Variants in SHQ1 observed in about 807,000 individuals in gnomAD.
The protein encoded by SHQ1 is protein SHQ1 homolog.
SHQ1 carries 49 observed loss-of-function variants against 53.8 expected under a neutral mutation model. That is an observed-to-expected ratio of 0.91 (90% CI 0.72 to 1.16). SHQ1 has a LOEUF of 1.16. Among genes scored for constraint, SHQ1 ranks in the 50% most tolerant of loss-of-function variants. The probability of loss-of-function intolerance (pLI) is 0.00; values close to 1 mark genes in which losing one functional copy is unlikely to be tolerated. For missense variants in SHQ1, 738 were observed against 683.1 expected (o/e 1.08, Z -0.90); for synonymous variants, 243 against 251.0 (o/e 0.97, Z 0.30).
chr3:72,763,981 T>C (rs1212345436), intron 10 of SHQ1, among the ~76,000 whole-genome samples: 3 of 151,620 alleles, frequency 2.0e-5, no homozygotes, highest in African/African-American at 7.3e-5. Flanking sequence ...TAGAAAGCAT[T>C]GCATAGTATG....
In SHQ1 at chr3:72,817,361, ACTTCT is replaced by A. The variant is rs1487706464; in HGVS notation, c.746_750del (p.Glu249ValfsTer9). On this transcript the variant is annotated frameshift_variant, in exon 7 of 11. Transcript: ENST00000325599. LOFTEE classifies it high-confidence loss of function. ...TTATTGACAAATTTTCGTAGCTGAT[ACTTCT>A]CTTCTTCAGAAAAAGACACTAGAAG... The A allele has an allele frequency of 2.5e-6, 4 of 1,611,238 alleles. No homozygotes were observed. The highest frequency in any genetic ancestry group is 1.1e-5 in the South Asian group (1 of 90,684).
At chr3:72,766,181 C>T (rs1347471980) in intron 10 of SHQ1, among the ~76,000 whole-genome samples, 1 of 152,138 alleles carries the variant, frequency 6.6e-6, no homozygotes, top group African/African-American at 2.4e-5. Flanking sequence ...TTCCTGTTTT[C>T]AGCTATTCCA....
chr3:72,796,119 A>G lies in SHQ1; in HGVS notation c.1061-3083T>C, dbSNP rs947532153. Among the ~76,000 whole-genome samples, 6 of 150,444 alleles carry G rather than the reference A, an allele frequency of 4.0e-5. No homozygotes were observed. The East Asian group carries it at 5.8e-4, about 15-fold the overall frequency. On this transcript the variant is annotated intron_variant, in intron 9 of 10. Transcript: ENST00000325599. ...TCCATCTCAAAAAAAAAAAAAAAAA[A>G]AAAAAGAAAGAGAAAAAGAAAATGC... is the stretch of plus-strand genomic sequence containing the variant.
At chr3:72,837,069 C>T (rs766223654) in intron 4 of SHQ1, among the ~76,000 whole-genome samples, 1 of 152,158 alleles carries the variant, frequency 6.6e-6, no homozygotes, top group South Asian at 2.1e-4. Flanking sequence ...CAGGAGCTTG[C>T]TGGGTTGGCG....
chr3:72,753,706 T>C, intron 10 of SHQ1: 3 of 870,618 alleles, frequency 3.4e-6, no homozygotes, highest in Non-Finnish European at 4.1e-6. Flanking sequence ...TCCACTAGAG[T>C]CAGTTAATGA....
At chr3:72,836,345 CG>C (rs1171704716) in intron 4 of SHQ1, among the ~76,000 whole-genome samples, 1 of 152,108 alleles carries the variant, frequency 6.6e-6, no homozygotes, top group Non-Finnish European at 1.5e-5. Context: ...AAAAATTAGC[CG>C]GGTGTGGTGG....
Position 72,817,246 on chromosome 3 carries a change from G to A in SHQ1, c.866C>T (p.Thr289Ile). Residue 289 changes from threonine to isoleucine, a missense_variant, in exon 7 of 11, where the codon ACT (threonine) becomes ATT (isoleucine). Physicochemically the swap from Thr to Ile is moderately conservative, Grantham distance 89. Coordinates refer to ENST00000325599, the MANE Select transcript of SHQ1 (RefSeq NM_018130.3). Reference sequence around the variant, plus strand: ...TGCACTTACATTCTTCTCTCCTTCAGTGACACGGGTTTCATAGCAATATGC... The same window carrying A: ...TGCACTTACATTCTTCTCTCCTTCAATGACACGGGTTTCATAGCAATATGC... Reference protein sequence around the residue: ...LLAYCYETRVTEGEKNVESAW... With the variant: ...LLAYCYETRVIEGEKNVESAW... 1.9e-6 allele frequency: 3 copies of A among 1,613,134 alleles called. No individual in the cohort carries two copies. The highest frequency in any genetic ancestry group is 2.5e-6 in the Non-Finnish European group (3 of 1,179,530).
chr3:72,811,880 T>C (rs1707133679), intron 9 of SHQ1, among the ~76,000 whole-genome samples: 1 of 152,144 alleles, frequency 6.6e-6, no homozygotes, highest in Non-Finnish European at 1.5e-5. Flanking sequence ...GGCAAAGGAA[T>C]GATGAGTCTC....
intron 10 of SHQ1, among the ~76,000 whole-genome samples, chr3:72,762,576 T>C (rs1339279861): frequency 1.3e-5 from 2 of 152,236 alleles, no homozygotes; most frequent in Non-Finnish European, 2.9e-5. Flanking sequence ...CTCACTTGAA[T>C]TGTGTACCTC....
the SHQ1 span, among the ~76,000 whole-genome samples, chr3:72,729,607 T>A: frequency 6.6e-6 from 1 of 152,234 alleles, no homozygotes; most frequent in African/African-American, 2.4e-5. Context: ...TCCACTTTGT[T>A]CATTAAGTTT....
chr3:72,757,381 C>CTT lies in SHQ1; in HGVS notation c.1182-6547_1182-6546dup, dbSNP rs779724149. Among the ~76,000 whole-genome samples, 646 of 134,902 alleles carry CTT rather than the reference C, an allele frequency of 4.8e-3. 9 individuals are homozygous for CTT. Among genetic ancestry groups the CTT allele is most frequent in the South Asian group, 0.013 (54 of 4,256 alleles). The allele number at this position is 134,902 out of a possible 152,430, so 88.5% of individuals were successfully genotyped here. ...CAGTAGATCAAATTTCTTCTCTTTCCTTTTTTTTTTTTTTTTTTGAAAGAT... is the reference window on the plus strand; with the variant it reads ...CAGTAGATCAAATTTCTTCTCTTTCCTTTTTTTTTTTTTTTTTTTTGAAAGAT... On this transcript the variant is annotated intron_variant, in intron 10 of 10. Transcript: ENST00000325599.
At chr3:72,805,004 G>A (rs987842770) in intron 9 of SHQ1, among the ~76,000 whole-genome samples, 5 of 152,300 alleles carry the variant, frequency 3.3e-5, no homozygotes, top group South Asian at 2.1e-4. Context: ...AGATGGTAGA[G>A]TCCACTACAC....
the SHQ1 span, among the ~76,000 whole-genome samples, chr3:72,735,752 GGC>G: frequency 2.0e-4 from 13 of 65,820 alleles, no homozygotes; most frequent in Non-Finnish European, 3.7e-4. Context: ...AAGGAAGGAA[GGC>G]AGGCAGGCAG....
At position 72,848,406 on chromosome 3, in the gene SHQ1, C is replaced by T. The variant is rs1708430714; in HGVS notation, c.-66G>A. On this transcript the variant is annotated 5_prime_UTR_variant, in exon 1 of 11. Transcript: ENST00000325599. ...TGCCGCCGCGTTCCCGCCACGCAAA[C>T]TCTCCAACTCCCCACGCGCAGGAAC... The T allele has an allele frequency of 1.3e-6, 2 of 1,591,724 alleles. No homozygotes were observed. Among genetic ancestry groups the T allele is most frequent in the African/African-American group, 2.7e-5 (2 of 74,140 alleles).
chr3:72,837,830 TGAA>T (rs1339181936), intron 4 of SHQ1, among the ~76,000 whole-genome samples: 5 of 152,250 alleles, frequency 3.3e-5, no homozygotes, highest in South Asian at 2.1e-4. Context: ...CAGCTGTGAA[TGAA>T]GAAGAACTCT....
Position 72,798,656 on chromosome 3 carries a change from A to G in SHQ1, c.1061-5620T>C, listed in dbSNP as rs116780596. On this transcript the variant is annotated intron_variant, in intron 9 of 10. Transcript: ENST00000325599. ...CAAAGACAAGATTGAGCTGTTTTAA[A>G]TAGAATCCCTTGGCTTCCTGAAATC... Among the ~76,000 whole-genome samples, 1,235 of 152,336 alleles carry G rather than the reference A, an allele frequency of 8.1e-3. 20 individuals are homozygous for G. Among genetic ancestry groups the G allele is most frequent in the African/African-American group, 0.029 (1,190 of 41,576 alleles).
At chr3:72,797,450 C>T (rs1575701525) in intron 9 of SHQ1, among the ~76,000 whole-genome samples, 1 of 152,026 alleles carries the variant, frequency 6.6e-6, no homozygotes, top group Non-Finnish European at 1.5e-5. Context: ...AAATTGTCCA[C>T]AAGAAACATT....
chr3:72,750,948 C>T (rs1324674588), intron 10 of SHQ1, 112 bp from the exon 11 acceptor site: 3 of 799,156 alleles, frequency 3.8e-6, no homozygotes, highest in African/African-American at 3.5e-5. Flanking sequence ...AAATGGCACA[C>T]CAGGATATAT....
chr3:72,788,209 C>A (rs1197920876), intron 10 of SHQ1, among the ~76,000 whole-genome samples: 1 of 151,618 alleles, frequency 6.6e-6, no homozygotes, highest in East Asian at 2.0e-4. Flanking sequence ...TCTGCCCGGC[C>A]GCCCAGTCTG....
Sources: gnomAD v4.1 joint callset for allele counts (sites outside exome capture counted in the v4.1 genomes callset) on GRCh38, gnomAD v4.1.1 for gene constraint, MANE v1.5 for transcripts, NCBI Gene and HGNC (gene_info 2026-07-23, HGNC 2026-07-21) for gene names.